TEKT5: variants seen among roughly 807,000 people sequenced by gnomAD.
TEKT5 encodes tektin-5.
TEKT5 carries 52 observed loss-of-function variants against 48.7 expected under a neutral mutation model. The ratio of observed to expected loss-of-function variants is 1.07; its 90% CI spans 0.86 to 1.35. The LOEUF (loss-of-function observed/expected upper bound fraction) is 1.35, where lower values mean the gene tolerates loss of function less well. Among genes scored for constraint, TEKT5 ranks in the 40% most tolerant of loss-of-function variants. TEKT5 has a pLI of 0.00. For missense variants in TEKT5, 831 were observed against 641.6 expected, an observed-to-expected ratio of 1.30 and a Z score of -3.19; for synonymous variants, 318 against 267.6, an observed-to-expected ratio of 1.19 and a Z score of -1.84.
At chr16:10,630,247 T>A (rs1048967625) in intron 6 of TEKT5, among the ~76,000 whole-genome samples, 31 of 151,904 alleles carry the variant, frequency 2.0e-4, no homozygotes, top group Admixed American at 1.6e-3. Context: ...TTTAATTTTT[T>A]TTTTTTTAGA....
At chr16:10,648,403 C>T (rs977740675) in intron 5 of TEKT5, among the ~76,000 whole-genome samples, 1 of 151,942 alleles carries the variant, frequency 6.6e-6, no homozygotes, top group Non-Finnish European at 1.5e-5. Flanking sequence ...CTGCAACCTC[C>T]GCCTCCCAGG....
intron 5 of TEKT5, among the ~76,000 whole-genome samples, chr16:10,666,745 G>A (rs183121733): frequency 1.3e-3 from 202 of 152,290 alleles, no homozygotes; most frequent in African/African-American, 4.7e-3. Context: ...AATACAAGGC[G>A]TGAGAACTGT....
At chr16:10,650,792 C>G in intron 5 of TEKT5, among the ~76,000 whole-genome samples, 1 of 150,150 alleles carries the variant, frequency 6.7e-6, no homozygotes, top group East Asian at 2.0e-4. Flanking sequence ...GGCTGAGGCA[C>G]AAGAATCACT....
At position 10,657,142 on chromosome 16, in the gene TEKT5, T is replaced by C. The variant is rs374165647; in HGVS notation, c.1086+18817A>G. 4.2e-3 allele frequency among the ~76,000 whole-genome samples: 623 copies of C among 150,072 alleles called. 5 individuals are homozygous for C. The highest frequency in any genetic ancestry group is 0.014 in the African/African-American group (580 of 40,162). On this transcript the variant is annotated intron_variant, in intron 5 of 6. Coordinates refer to ENST00000283025, the MANE Select transcript of TEKT5 (RefSeq NM_144674.2). ...GCCTTTTTTTTTTTTTTCTTTTTTT[T>C]GAGACAGAGTTTCACTCTTGTTGCC...
chr16:10,680,424 A>G (rs980722055), intron 4 of TEKT5, among the ~76,000 whole-genome samples: 1 of 151,000 alleles, frequency 6.6e-6, no homozygotes, highest in Non-Finnish European at 1.5e-5. Flanking sequence ...ATTGCATACC[A>G]ACATGTGCCA....
intron 4 of TEKT5, among the ~76,000 whole-genome samples, chr16:10,679,816 G>A (rs1018447150): frequency 6.6e-6 from 1 of 152,200 alleles, no homozygotes; most frequent in African/African-American, 2.4e-5. Flanking sequence ...AGCATCGCTT[G>A]AACCCAGGAG....
intron 5 of TEKT5, among the ~76,000 whole-genome samples, chr16:10,640,310 C>T (rs565804870): frequency 3.9e-5 from 6 of 152,190 alleles, no homozygotes; most frequent in Non-Finnish European, 7.4e-5. Flanking sequence ...ACTCAGCTAA[C>T]TTTCTGTTGC....
Position 10,679,386 on chromosome 16 carries a change from G to A in TEKT5, c.863+2607C>T, listed in dbSNP as rs150839858. 9.9e-5 allele frequency among the ~76,000 whole-genome samples: 15 copies of A among 151,494 alleles called. No individual in the cohort carries two copies. The East Asian group carries it at 2.9e-3, about 30-fold the overall frequency. On this transcript the variant is annotated intron_variant, in intron 4 of 6. Transcript: ENST00000283025. ...GCAGGAGAATCACTTGAACCTGGGA[G>A]GCAGAGGTTGCAGTGAGCCGAGATT... is the stretch of plus-strand genomic sequence containing the variant.
At chr16:10,660,808 C>T (rs1268432647) in intron 5 of TEKT5, among the ~76,000 whole-genome samples, 1 of 152,166 alleles carries the variant, frequency 6.6e-6, no homozygotes, top group East Asian at 1.9e-4. Context: ...TCAAGAGATT[C>T]TCCTTCCTCA....
intron 5 of TEKT5, among the ~76,000 whole-genome samples, chr16:10,648,890 C>G (rs1201822004): frequency 1.3e-5 from 2 of 152,236 alleles, no homozygotes; most frequent in Non-Finnish European, 2.9e-5. Context: ...CCTCTGCTTA[C>G]AGCAAGTGCT....
At chr16:10,681,174 T>TG (rs1308132408) in intron 4 of TEKT5, among the ~76,000 whole-genome samples, 7 of 152,064 alleles carry the variant, frequency 4.6e-5, no homozygotes, top group African/African-American at 1.7e-4. Context: ...ATGTTGGCTG[T>TG]GATTATTCTA....
At chr16:10,641,834 T>A (rs1320019229) in intron 5 of TEKT5, among the ~76,000 whole-genome samples, 2 of 152,044 alleles carry the variant, frequency 1.3e-5, no homozygotes, top group Non-Finnish European at 2.9e-5. Flanking sequence ...AAATAAATAA[T>A]CACATGAAAG....
intron 5 of TEKT5, among the ~76,000 whole-genome samples, chr16:10,651,953 C>G (rs1300559917): frequency 6.6e-6 from 1 of 151,990 alleles, no homozygotes; most frequent in Non-Finnish European, 1.5e-5. Context: ...CAGAGCAAGA[C>G]TCCATCTCAA....
At chr16:10,674,960 G>C (rs762772324) in intron 5 of TEKT5, among the ~76,000 whole-genome samples, 17 of 151,920 alleles carry the variant, frequency 1.1e-4, no homozygotes, top group Non-Finnish European at 2.4e-4. Context: ...AAGTAGCTGG[G>C]ATTACAGGCA....
At chr16:10,667,046 C>A (rs1306518821) in intron 5 of TEKT5, among the ~76,000 whole-genome samples, 1 of 147,938 alleles carries the variant, frequency 6.8e-6, no homozygotes, top group Non-Finnish European at 1.5e-5. Context: ...TGCAGTGGCA[C>A]AATCACAGCT....
intron 5 of TEKT5, among the ~76,000 whole-genome samples, chr16:10,654,295 T>C (rs112209605): frequency 0.036 from 5,512 of 152,128 alleles, 259 homozygotes; most frequent in African/African-American, 0.11. Flanking sequence ...AAGCAATCCA[T>C]CCACCTCAGC....
intron 3 of TEKT5, among the ~76,000 whole-genome samples, chr16:10,684,990 C>T (rs1355622742): frequency 3.3e-5 from 5 of 152,228 alleles, no homozygotes; most frequent in African/African-American, 4.8e-5. Context: ...GGGGTGAGGA[C>T]ACACCAGACT....
intron 5 of TEKT5, among the ~76,000 whole-genome samples, chr16:10,670,999 G>C (rs1454791534): frequency 1.3e-5 from 2 of 151,902 alleles, no homozygotes; most frequent in African/African-American, 4.8e-5. Context: ...CAAACTCCGG[G>C]GCTCAAGGGA....
intron 5 of TEKT5, among the ~76,000 whole-genome samples, chr16:10,665,097 G>C (rs915147960): frequency 6.6e-6 from 1 of 152,172 alleles, no homozygotes; most frequent in Non-Finnish European, 1.5e-5. Context: ...AGATGGAAGG[G>C]GAGGCTGGAC....
Sources: allele counts gnomAD v4.1 joint callset (sites outside exome capture counted in the v4.1 genomes callset), GRCh38; gene constraint gnomAD v4.1.1; transcripts MANE v1.5; gene names NCBI Gene and HGNC (gene_info 2026-07-23, HGNC 2026-07-21).